RGS7: variants seen among roughly 807,000 people sequenced by gnomAD.
RGS7 encodes the protein regulator of G-protein signaling 7.
Under a neutral mutation model 81.1 loss-of-function variants are expected in RGS7, and 27 were observed. That is an observed-to-expected ratio of 0.33 (90% CI 0.25 to 0.46). RGS7 has a LOEUF of 0.46. Among genes scored for constraint, RGS7 ranks in the 20% least tolerant of loss-of-function variants. The pLI, the probability that RGS7 is intolerant of heterozygous loss-of-function variation, is 1.00. For missense variants in RGS7, 396 were observed against 607.4 expected, an observed-to-expected ratio of 0.65 and a Z score of 3.66; for synonymous variants, 208 against 207.7, an observed-to-expected ratio of 1.00 and a Z score of -0.01.
At chr1:241,332,664 A>C (rs889916083) in intron 2 of RGS7, among the ~76,000 whole-genome samples, 2 of 152,228 alleles carry the variant, frequency 1.3e-5, no homozygotes, top group Non-Finnish European at 2.9e-5. Context: ...AATTGTGGAA[A>C]GCTGTTAGGA....
intron 5 of RGS7, among the ~76,000 whole-genome samples, chr1:240,932,876 C>CTTTTTTTTTTTT (rs36194238): frequency 1.7e-5 from 1 of 57,328 alleles, no homozygotes; most frequent in African/African-American, 6.8e-5. Context: ...TGGTATCTTT[C>CTTTTTTTTTTTT]TTTTTTTTTT....
chr1:240,843,883 A>G (rs1658573024), intron 9 of RGS7, among the ~76,000 whole-genome samples: 1 of 118,806 alleles, frequency 8.4e-6, no homozygotes, highest in Non-Finnish European at 1.9e-5. Context: ...CATCTGGGGA[A>G]AAGCAAATGA....
rs140883852 is a variant in RGS7, at chr1:241,064,183, CAAAAAAA to C, written c.175+34476_175+34482del. Among the ~76,000 whole-genome samples the C allele has an allele frequency of 4.2e-3, 328 of 78,188 alleles. 1 individual carries two copies. Among genetic ancestry groups the C allele is most frequent in the Non-Finnish European group, 4.6e-3 (181 of 39,586 alleles). 51.3% of individuals were successfully genotyped at this position (78,188 alleles called of 152,430 possible). ...GGGCAACAAGAGTGAAACTCAGTTT[CAAAAAAA>C]AAAAAAAAAAAAAAATCAAATAAGA... On this transcript the variant is annotated intron_variant, in intron 3 of 18. Transcript: ENST00000440928.
At chr1:241,048,923 A>G (rs1468331842) in intron 3 of RGS7, among the ~76,000 whole-genome samples, 1 of 152,144 alleles carries the variant, frequency 6.6e-6, no homozygotes, top group Non-Finnish European at 1.5e-5. Flanking sequence ...TCCTAGATTC[A>G]TTGGGTTTGC....
intron 2 of RGS7, among the ~76,000 whole-genome samples, chr1:241,126,947 G>C (rs1485638368): frequency 1.3e-5 from 2 of 151,566 alleles, no homozygotes; most frequent in African/African-American, 4.9e-5. Context: ...CTTCATTCCA[G>C]AAACACTTTC....
intron 9 of RGS7, among the ~76,000 whole-genome samples, chr1:240,841,133 G>T (rs971612248): frequency 6.6e-6 from 1 of 152,154 alleles, no homozygotes; most frequent in Non-Finnish European, 1.5e-5. Context: ...TTCTTTTCCT[G>T]TGCAATGTGA....
chr1:241,128,460 G>A lies in RGS7; in HGVS notation c.79-29698C>T, dbSNP rs1291647952. On this transcript the variant is annotated intron_variant, in intron 2 of 18. Coordinates refer to ENST00000440928, the MANE Select transcript of RGS7 (RefSeq NM_001364886.1). ...TTTACCTGGCATGGTGGCGGTGCAA[G>A]CATGTAGTCCTAGCTACCAGGGAGG... Among the ~76,000 whole-genome samples, 6 of 151,508 alleles carry A rather than the reference G, an allele frequency of 4.0e-5. No homozygotes were observed. The East Asian group carries it at 9.8e-4, about 25-fold the overall frequency.
At chr1:241,335,688 AACACAC>A (rs112464128) in intron 2 of RGS7, among the ~76,000 whole-genome samples, 4,306 of 150,558 alleles carry the variant, frequency 0.029, 208 homozygotes, top group African/African-American at 0.098. Context: ...AAGATTTTAA[AACACAC>A]ACACACACAC....
At chr1:240,822,880 G>C (rs535165114) in intron 10 of RGS7, 1 of 346,980 alleles carries the variant, frequency 2.9e-6, no homozygotes, top group African/African-American at 2.1e-5. Flanking sequence ...AAACATTTGA[G>C]TTTTAAAATA....
At position 241,355,822 on chromosome 1, in the gene RGS7, G is replaced by A. The variant is rs2083525455; in HGVS notation, c.-46C>T. 1 of 1,533,220 alleles carries A rather than the reference G, an allele frequency of 6.5e-7. No homozygotes were observed. Among genetic ancestry groups the A allele is most frequent in the East Asian group, 2.2e-5 (1 of 44,462 alleles). The allele number at this position is 1,533,220 out of a possible 1,614,324, so 95.0% of individuals were successfully genotyped here. ...CTCTCAAGATACAAGAATTATCAGTGTGCCCTGCAAAGGGTCAGAGAGACT... is the reference window on the plus strand; with the variant it reads ...CTCTCAAGATACAAGAATTATCAGTATGCCCTGCAAAGGGTCAGAGAGACT... On this transcript the variant is annotated 5_prime_UTR_variant, in exon 2 of 19. Transcript: ENST00000440928.
intron 2 of RGS7, among the ~76,000 whole-genome samples, chr1:241,178,202 G>C (rs2071308485): frequency 6.6e-6 from 1 of 152,100 alleles, no homozygotes; most frequent in South Asian, 2.1e-4. Flanking sequence ...TGAGGTAGGA[G>C]GATAACTTGA....
At chr1:241,240,304 C>A (rs527965546) in intron 2 of RGS7, among the ~76,000 whole-genome samples, 11 of 152,284 alleles carry the variant, frequency 7.2e-5, no homozygotes, top group African/African-American at 2.6e-4. Flanking sequence ...ACTCAGTGGG[C>A]TGATCCTGCA....
At chr1:241,264,849 G>T (rs1214476275) in intron 2 of RGS7, among the ~76,000 whole-genome samples, 1 of 152,188 alleles carries the variant, frequency 6.6e-6, no homozygotes, top group Non-Finnish European at 1.5e-5. Flanking sequence ...TGGTATGAAG[G>T]CCTAAAATGA....
At position 240,813,671 on chromosome 1, in the gene RGS7, G is replaced by A. The variant is rs1690283589; in HGVS notation, c.903C>T (p.Asp301=). 3 of 1,613,984 alleles carry A rather than the reference G, an allele frequency of 1.9e-6. No homozygotes were observed. The highest frequency in any genetic ancestry group is 2.5e-6 in the Non-Finnish European group (3 of 1,179,846). The change falls in exon 13 of 19, where the codon GAC becomes GAT. Residue 301 remains aspartate (D), a synonymous_variant. Coordinates refer to ENST00000440928, the MANE Select transcript of RGS7 (RefSeq NM_001364886.1). ...LEYDPFLLPP[D]PSNPWLSDDT... is the part of the protein sequence containing the mutation. ...CATCGGACAGCCATGGGTTAGAAGG[G>A]TCAGGTGGCAAAAGAAACGGGTCGT...
chr1:241,348,578 A>T (rs1015494550), intron 2 of RGS7, among the ~76,000 whole-genome samples: 1 of 152,244 alleles, frequency 6.6e-6, no homozygotes, highest in Non-Finnish European at 1.5e-5. Flanking sequence ...GACTTCAGGC[A>T]AATTGTGTTA....
intron 3 of RGS7, among the ~76,000 whole-genome samples, chr1:241,032,329 C>A (rs537094643): frequency 6.6e-6 from 1 of 152,044 alleles, no homozygotes; most frequent in Admixed American, 6.5e-5. Flanking sequence ...GTTCCATTGA[C>A]CTATGTGTCT....
At chr1:241,195,149 A>G (rs1223298934) in intron 2 of RGS7, among the ~76,000 whole-genome samples, 1 of 152,234 alleles carries the variant, frequency 6.6e-6, no homozygotes, top group Non-Finnish European at 1.5e-5. Flanking sequence ...TCTAAAATGT[A>G]TGACACTCAA....
chr1:241,238,040 T>G (rs1032429937), intron 2 of RGS7, among the ~76,000 whole-genome samples: 4 of 152,172 alleles, frequency 2.6e-5, no homozygotes, highest in African/African-American at 9.6e-5. Flanking sequence ...ACTTGCTTCC[T>G]CTGCTCCTCT....
Position 241,124,231 on chromosome 1 carries a change from G to GA in RGS7, c.79-25470dup, listed in dbSNP as rs55927322. Among the ~76,000 whole-genome samples the GA allele has an allele frequency of 8.0e-3, 1,089 of 135,842 alleles. 12 individuals carry two copies. Among genetic ancestry groups the GA allele is most frequent in the African/African-American group, 0.021 (773 of 37,028 alleles). 89.1% of individuals were successfully genotyped at this position (135,842 alleles called of 152,430 possible). On this transcript the variant is annotated intron_variant, in intron 2 of 18. Transcript: ENST00000440928. ...CAACATTAGTGAGACCTCGTCTCTA[G>GA]AAAAAAAAAAAAAATTAGCCAGACA... is the stretch of plus-strand genomic sequence containing the variant.
Sources: allele counts gnomAD v4.1 joint callset (sites outside exome capture counted in the v4.1 genomes callset), GRCh38; gene constraint gnomAD v4.1.1; transcripts MANE v1.5; gene names NCBI Gene and HGNC (gene_info 2026-07-23, HGNC 2026-07-21).